The following SMG6 variants were observed in gnomAD, a reference collection of about 807,000 sequenced individuals.
SMG6 encodes the protein telomerase-binding protein EST1A.
A neutral mutation model predicts 142.2 loss-of-function variants in SMG6; 66 were observed. The ratio of observed to expected loss-of-function variants is 0.46; its 90% CI spans 0.38 to 0.57. The LOEUF is 0.57. SMG6 is among the 20% of genes least tolerant of loss of function. SMG6 has a pLI of 0.00. For synonymous variants in SMG6, 779 were observed against 702.4 expected (o/e 1.11, Z -1.72); for missense variants, 1,793 against 1,832.0 (o/e 0.98, Z 0.39).
At chr17:2,151,143 G>T (rs2070812797) in intron 13 of SMG6, among the ~76,000 whole-genome samples, 1 of 152,186 alleles carries the variant, frequency 6.6e-6, no homozygotes, top group South Asian at 2.1e-4. Flanking sequence ...AGACTACAGG[G>T]TCTTTTTTCA....
intron 13 of SMG6, among the ~76,000 whole-genome samples, chr17:2,103,095 C>A (rs1387765357): frequency 2.0e-5 from 3 of 152,214 alleles, no homozygotes; most frequent in African/African-American, 7.2e-5. Flanking sequence ...CTGCAGTGAA[C>A]CTGGGAGTCC....
Position 2,172,672 on chromosome 17 carries a change from T to C in SMG6, c.3343A>G (p.Lys1115Glu). 1.9e-6 allele frequency: 3 copies of C among 1,613,432 alleles called. No individual in the cohort carries two copies. Among genetic ancestry groups the C allele is most frequent in the Non-Finnish European group, 2.5e-6 (3 of 1,179,984 alleles). Residue 1115 changes from lysine to glutamate, a missense_variant, in exon 13 of 19, where the codon AAA (lysine) becomes GAA (glutamate). Lys to Glu is a moderately conservative substitution (Grantham distance 56). Around this residue, in one of 3 missense-constraint regions of SMG6, gnomAD observed 1,597 missense variants for 1,584.6 expected, o/e 1.01. Transcript: ENST00000263073. ...CTGGGGCTGACCTTATCCGAGGTTT[T>C]CTCCACGTAGCAGGGGTCCTGAGGG... ...AAPQDPCYVE[K>E]TSDKVIAADC... is the part of the protein sequence containing the mutation.
intron 12 of SMG6, among the ~76,000 whole-genome samples, chr17:2,176,050 T>G (rs1293051800): frequency 6.6e-6 from 1 of 152,128 alleles, no homozygotes; most frequent in Non-Finnish European, 1.5e-5. Flanking sequence ...AAGAGGTGCT[T>G]TGAAAAACCA....
At chr17:2,147,849 T>A (rs1377351783) in intron 13 of SMG6, among the ~76,000 whole-genome samples, 1 of 152,154 alleles carries the variant, frequency 6.6e-6, no homozygotes, top group Non-Finnish European at 1.5e-5. Context: ...TTGGTGAGGA[T>A]GTAAAATAGT....
At chr17:2,137,498 C>A (rs1361698833) in intron 13 of SMG6, among the ~76,000 whole-genome samples, 1 of 151,970 alleles carries the variant, frequency 6.6e-6, no homozygotes, top group Non-Finnish European at 1.5e-5. Context: ...CGCTTACAGG[C>A]ACGCCAGCAG....
intron 10 of SMG6, among the ~76,000 whole-genome samples, chr17:2,191,549 A>T (rs1212281256): frequency 1.3e-5 from 2 of 152,176 alleles, no homozygotes; most frequent in East Asian, 3.9e-4. Flanking sequence ...AACACTGTGA[A>T]ACAGCCTTTC....
chr17:2,206,089 G>C (rs575022821), intron 10 of SMG6, among the ~76,000 whole-genome samples: 6 of 152,134 alleles, frequency 3.9e-5, no homozygotes, highest in Non-Finnish European at 8.8e-5. Context: ...GATCATAGGC[G>C]TGAGCAATTG....
At chr17:2,189,048 C>T (rs2072081352) in intron 10 of SMG6, among the ~76,000 whole-genome samples, 1 of 152,210 alleles carries the variant, frequency 6.6e-6, no homozygotes, top group African/African-American at 2.4e-5. Context: ...GTCCCTCCTC[C>T]TAAGAAAACA....
At chr17:2,256,903 T>C (rs1477540592) in intron 8 of SMG6, among the ~76,000 whole-genome samples, 1 of 151,884 alleles carries the variant, frequency 6.6e-6, no homozygotes, top group East Asian at 1.9e-4. Context: ...TCTGTGAGAA[T>C]TTAAATCCAC....
intron 8 of SMG6, among the ~76,000 whole-genome samples, chr17:2,253,333 TG>T (rs2074091571): frequency 6.6e-6 from 1 of 151,990 alleles, no homozygotes; most frequent in Non-Finnish European, 1.5e-5. Context: ...TTAGTAGAGA[TG>T]GGGTTTCACC....
At chr17:2,250,922 C>A (rs750948701) in intron 8 of SMG6, among the ~76,000 whole-genome samples, 22 of 152,180 alleles carry the variant, frequency 1.4e-4, no homozygotes, top group Non-Finnish European at 2.8e-4. Flanking sequence ...CTCATCCCTG[C>A]GCTCCTATGC....
chr17:2,299,075 G>A lies in SMG6; in HGVS notation c.1678C>T (p.Pro560Ser), dbSNP rs775683779. The A allele has an allele frequency of 6.2e-6, 10 of 1,614,196 alleles. No homozygotes were observed. In the South Asian group the frequency reaches 1.1e-4, roughly 18 times the overall value. Residue 560 changes from proline (P) to serine (S), a missense_variant, in exon 2 of 19, where the codon CCT (proline) becomes TCT (serine). By Grantham distance (74) the Pro-to-Ser change is moderately conservative. This residue lies in a region of SMG6 where 1,597 missense variants were observed against 1,584.6 expected (regional missense o/e 1.01). Coordinates refer to ENST00000263073, the MANE Select transcript of SMG6 (RefSeq NM_017575.5). This position sits in a 1 kb window ranked among gnomAD's most constrained non-coding sequence, Gnocchi z 4.3. ...TCCTCGGGACTCATGGTGCTGGTAG[G>A]TAGAGGGCTACACACATACTGTCCT... Reference protein sequence around the residue: ...PSGQYVCSPLPTSTMSPEEVE... With the variant: ...PSGQYVCSPLSTSTMSPEEVE...
intron 8 of SMG6, among the ~76,000 whole-genome samples, chr17:2,252,407 T>C (rs216222): frequency 6.7e-6 from 1 of 150,056 alleles, no homozygotes; most frequent in African/African-American, 2.4e-5. Flanking sequence ...TCAAAAAAAA[T>C]AAAGAAAAGA....
chr17:2,228,660 G>C (rs2073385098), intron 10 of SMG6, among the ~76,000 whole-genome samples: 1 of 152,238 alleles, frequency 6.6e-6, no homozygotes, highest in Admixed American at 6.5e-5. Flanking sequence ...ACCGTGCCTG[G>C]CCCCAAATTA....
intron 18 of SMG6, among the ~76,000 whole-genome samples, chr17:2,064,656 G>A (rs894335093): frequency 1.3e-5 from 2 of 152,112 alleles, no homozygotes; most frequent in Admixed American, 6.5e-5. Context: ...CCAAGAAAGG[G>A]AAGTGTGCCC....
At chr17:2,139,462 C>T (rs1320649341) in intron 13 of SMG6, among the ~76,000 whole-genome samples, 1 of 143,458 alleles carries the variant, frequency 7.0e-6, no homozygotes, top group Non-Finnish European at 1.5e-5. Context: ...CACTCTGTCA[C>T]CCAGGCTGGA....
intron 10 of SMG6, among the ~76,000 whole-genome samples, chr17:2,223,884 G>A (rs543242873): frequency 2.6e-5 from 4 of 152,064 alleles, no homozygotes; most frequent in South Asian, 2.1e-4. Context: ...CTGGATGTAG[G>A]TGCCCAGTCA....
intron 13 of SMG6, among the ~76,000 whole-genome samples, chr17:2,089,282 G>C (rs1442653974): frequency 3.3e-5 from 5 of 152,118 alleles, no homozygotes; most frequent in Non-Finnish European, 7.3e-5. Context: ...GGCGGGAGAG[G>C]CTCCCTTCCT....
intron 10 of SMG6, among the ~76,000 whole-genome samples, chr17:2,206,677 T>TC (rs1292360994): frequency 1.3e-5 from 2 of 151,892 alleles, no homozygotes; most frequent in African/African-American, 2.4e-5. Context: ...GGTCAGGAGT[T>TC]CAAGACCAGA....
Sources: gnomAD v4.1 joint callset for allele counts (sites outside exome capture counted in the v4.1 genomes callset) on GRCh38, gnomAD v4.1.1 for gene constraint, gnomAD v4.1.1 regional missense constraint, Gnocchi (gnomAD v3.1) non-coding constraint, MANE v1.5 for transcripts, NCBI Gene and HGNC (gene_info 2026-07-23, HGNC 2026-07-21) for gene names.